The following SOX5 variants were observed in gnomAD, a reference collection of about 807,000 sequenced individuals.
SOX5 encodes the protein SRY-box transcription factor 5, also known as transcription factor SOX-5.
SOX5 carries 9 observed loss-of-function variants against 92.0 expected under a neutral mutation model. The observed-to-expected ratio is 0.10, with a 90% CI of 0.06 to 0.17. SOX5 has a LOEUF of 0.17. Among genes scored for constraint, SOX5 ranks in the 10% least tolerant of loss-of-function variants. SOX5 has a pLI of 1.00. For synonymous variants in SOX5, 344 were observed against 336.3 expected (o/e 1.02, Z -0.25); for missense variants, 642 against 944.5 (o/e 0.68, Z 4.20).
At chr12:24,052,399 T>C (rs1052091797) in intron 4 of SOX5, among the ~76,000 whole-genome samples, 6 of 152,200 alleles carry the variant, frequency 3.9e-5, no homozygotes, top group Admixed American at 6.5e-5. Context: ...TATTTAATAC[T>C]CTCTTGTTAA....
intron 3 of SOX5, among the ~76,000 whole-genome samples, chr12:23,831,997 C>T (rs1055045341): frequency 4.7e-4 from 60 of 127,988 alleles, no homozygotes; most frequent in African/African-American, 1.6e-3. Context: ...GGCACATGCG[C>T]ACACTCAGGC....
At chr12:23,641,943 T>C (rs1327241315) in intron 7 of SOX5, among the ~76,000 whole-genome samples, 1 of 152,226 alleles carries the variant, frequency 6.6e-6, no homozygotes, top group African/African-American at 2.4e-5. Context: ...TGCTATGTAT[T>C]AAGCATTCCT....
At chr12:23,961,324 T>C (rs1027452086) in intron 4 of SOX5, among the ~76,000 whole-genome samples, 1 of 152,158 alleles carries the variant, frequency 6.6e-6, no homozygotes, top group Non-Finnish European at 1.5e-5. Context: ...AAACTGACAT[T>C]ATAAATCAAA....
intron 8 of SOX5, among the ~76,000 whole-genome samples, chr12:23,617,874 G>C (rs2076753321): frequency 6.6e-6 from 1 of 152,138 alleles, no homozygotes; most frequent in African/African-American, 2.4e-5. Flanking sequence ...CACCCCAACT[G>C]ATAGTTTCTC....
At chr12:24,515,642 AAC>A (rs1949713604) in intron 1 of SOX5, among the ~76,000 whole-genome samples, 1 of 152,236 alleles carries the variant, frequency 6.6e-6, no homozygotes, top group Non-Finnish European at 1.5e-5. Flanking sequence ...TTCTTTTAAA[AAC>A]ACAGACTTTA....
rs1397651266 is a variant in SOX5 at position 24,093,186 on chromosome 12, C to A, written c.-2+120157G>T. On this transcript the variant is annotated intron_variant, in intron 4 of 4. Coordinates refer to the SOX5 transcript ENST00000446891. ...AATCAATACTTTGTCACTACGGGTG[C>A]CCTATCAGTCAAAATGTCACTGAAT... Among the ~76,000 whole-genome samples the A allele has an allele frequency of 3.3e-5, 5 of 152,124 alleles. No individual in the cohort carries two copies. The East Asian group carries it at 9.6e-4, about 29-fold the overall frequency.
At chr12:23,851,560 A>G (rs2096633938) in intron 2 of SOX5, among the ~76,000 whole-genome samples, 1 of 150,926 alleles carries the variant, frequency 6.6e-6, no homozygotes, top group South Asian at 2.1e-4. Flanking sequence ...ACTTACAGAC[A>G]GACCTCTGAA....
chr12:23,794,533 A>G (rs1378303572), intron 3 of SOX5, among the ~76,000 whole-genome samples: 1 of 152,150 alleles, frequency 6.6e-6, no homozygotes, highest in South Asian at 2.1e-4. Context: ...TTAGAGGTAG[A>G]GCCTTACTTA....
At chr12:24,093,948 T>C (rs780628369) in intron 4 of SOX5, among the ~76,000 whole-genome samples, 2 of 152,134 alleles carry the variant, frequency 1.3e-5, no homozygotes, top group Non-Finnish European at 2.9e-5. Flanking sequence ...TCTTTTTTTG[T>C]TTGTTTGTTT....
intron 7 of SOX5, among the ~76,000 whole-genome samples, chr12:23,649,549 C>A (rs1440464441): frequency 6.6e-6 from 1 of 152,024 alleles, no homozygotes; most frequent in Non-Finnish European, 1.5e-5. Context: ...CTAAGCCTTT[C>A]CAACATTAAT....
At chr12:23,643,705 T>C (rs1177924542) in intron 7 of SOX5, among the ~76,000 whole-genome samples, 1 of 152,116 alleles carries the variant, frequency 6.6e-6, no homozygotes, top group Non-Finnish European at 1.5e-5. Context: ...ACAGTGATAA[T>C]TTTTTTCATT....
chr12:24,389,334 A>G (rs113399937), intron 1 of SOX5, among the ~76,000 whole-genome samples: 2,980 of 152,146 alleles, frequency 0.02, 97 homozygotes, highest in African/African-American at 0.069. Flanking sequence ...TATGTGCCAC[A>G]TTTTCTTAAT....
intron 8 of SOX5, among the ~76,000 whole-genome samples, chr12:23,607,223 T>C (rs1378423372): frequency 1.3e-5 from 2 of 152,184 alleles, no homozygotes; most frequent in African/African-American, 4.8e-5. Context: ...CCAGGAAATA[T>C]CTATTTCAAC....
chr12:24,386,024 C>T (rs192435560), intron 1 of SOX5, among the ~76,000 whole-genome samples: 3 of 151,756 alleles, frequency 2.0e-5, no homozygotes, highest in Non-Finnish European at 2.9e-5. Context: ...CTACAGTAAC[C>T]TCTCACTTAA....
intron 8 of SOX5, among the ~76,000 whole-genome samples, chr12:23,639,956 C>T (rs750326622): frequency 2.6e-5 from 4 of 152,182 alleles, no homozygotes; most frequent in African/African-American, 4.8e-5. Context: ...CATAGGCATA[C>T]TGTGTCTTTC....
At chr12:24,315,333 CT>C (rs1949598098) in intron 2 of SOX5, among the ~76,000 whole-genome samples, 1 of 151,972 alleles carries the variant, frequency 6.6e-6, no homozygotes, top group African/African-American at 2.4e-5. Flanking sequence ...AACTTTAAAA[CT>C]TTTATACAAT....
chr12:24,243,529 T>C (rs983494793), intron 3 of SOX5, among the ~76,000 whole-genome samples: 1 of 152,194 alleles, frequency 6.6e-6, no homozygotes, highest in African/African-American at 2.4e-5. Flanking sequence ...ATATAAACTA[T>C]ATTTTAACCT....
intron 6 of SOX5, among the ~76,000 whole-genome samples, chr12:23,729,342 G>A (rs556140455): frequency 7.2e-4 from 109 of 152,256 alleles, no homozygotes; most frequent in Middle Eastern, 6.8e-3. Flanking sequence ...TCTTATTCCA[G>A]ATCACTGTTC....
intron 1 of SOX5, among the ~76,000 whole-genome samples, chr12:24,518,432 T>G (rs1393373894): frequency 1.3e-5 from 2 of 152,140 alleles, no homozygotes; most frequent in Non-Finnish European, 2.9e-5. Flanking sequence ...AATTCTCCCA[T>G]TGTTACTTAA....
Sources: allele counts gnomAD v4.1 joint callset (sites outside exome capture counted in the v4.1 genomes callset), GRCh38; gene constraint gnomAD v4.1.1; transcripts MANE v1.5; gene names NCBI Gene and HGNC (gene_info 2026-07-23, HGNC 2026-07-21).